MYOM1: variants seen among roughly 807,000 people sequenced by gnomAD.
The protein encoded by MYOM1 is myomesin-1.
In MYOM1, 164 loss-of-function variants were observed where a neutral mutation model predicts 205.3. That is an observed-to-expected ratio of 0.80 (90% CI 0.70 to 0.91). The LOEUF (loss-of-function observed/expected upper bound fraction) is 0.91. MYOM1 is among the 40% of genes least tolerant of loss of function. The pLI is 0.00. For synonymous variants in MYOM1, 772 were observed against 789.4 expected (o/e 0.98, Z 0.37); for missense variants, 2,011 against 2,127.3 (o/e 0.95, Z 1.08).
At chr18:3,156,608 CTT>C (rs879296741) in intron 10 of MYOM1, among the ~76,000 whole-genome samples, 30 of 140,746 alleles carry the variant, frequency 2.1e-4, no homozygotes, top group Non-Finnish European at 1.6e-4. Context: ...ACACTTCTTT[CTT>C]TTTTTTTTTT....
chr18:3,131,374 C>T lies in MYOM1; in HGVS notation c.2506+1G>A. 1 of 1,613,772 alleles carries T rather than the reference C, an allele frequency of 6.2e-7. No individual in the cohort carries two copies. Among genetic ancestry groups the T allele is most frequent in the Non-Finnish European group, 8.5e-7 (1 of 1,179,782 alleles). Reference sequence around the variant, plus strand: ...CATACAGTTATGCATAAGGAACTTACCAATAGCAGCTTTGACTTCAATAGC... The same window carrying T: ...CATACAGTTATGCATAAGGAACTTATCAATAGCAGCTTTGACTTCAATAGC... On this transcript the variant is annotated splice_donor_variant, in intron 17 of 37. Coordinates refer to ENST00000356443, the MANE Select transcript of MYOM1 (RefSeq NM_003803.4). LOFTEE classifies it high-confidence loss of function.
chr18:3,135,107 G>T lies in MYOM1; in HGVS notation c.2210-283C>A. 2.7e-6 allele frequency: 1 copy of T among 365,128 alleles called. No individual in the cohort carries two copies. Among genetic ancestry groups the T allele is most frequent in the Non-Finnish European group, 5.1e-6 (1 of 195,052 alleles). 22.6% of individuals were successfully genotyped at this position (365,128 alleles called of 1,614,324 possible). A position where few individuals can be genotyped will look rare whatever the true frequency, so the allele number is the denominator to read the frequency against. On this transcript the variant is annotated intron_variant, in intron 15 of 37. Transcript: ENST00000356443. The surrounding 1 kb of genome is among the most constrained non-coding windows in gnomAD (Gnocchi z 4.1). ...GGAATTACCAGGCATGTGCCACAACGCCTGGCTAATTTTTGTGTTTTCAGT... is the reference window on the plus strand; with the variant it reads ...GGAATTACCAGGCATGTGCCACAACTCCTGGCTAATTTTTGTGTTTTCAGT...
chr18:3,176,161 G>GT, intron 5 of MYOM1, 27 bp from the exon 6 acceptor site: 1 of 1,361,356 alleles, frequency 7.3e-7, no homozygotes, highest in Admixed American at 1.7e-5. Flanking sequence ...ACAAAATGAA[G>GT]TAAGTTGAAG....
At chr18:3,184,135 G>A in intron 5 of MYOM1, among the ~76,000 whole-genome samples, 1 of 151,920 alleles carries the variant, frequency 6.6e-6, no homozygotes, top group East Asian at 1.9e-4. Flanking sequence ...CAAACTCCTG[G>A]CCTCAAGTGA....
At chr18:3,098,429 C>G (rs1036992854) in intron 25 of MYOM1, among the ~76,000 whole-genome samples, 7 of 152,022 alleles carry the variant, frequency 4.6e-5, no homozygotes, top group African/African-American at 1.2e-4. Flanking sequence ...AGGCGCCCAC[C>G]ACCACACCCA....
At chr18:3,230,163 C>T in the MYOM1 span, among the ~76,000 whole-genome samples, 5,691 of 152,116 alleles carry the variant, frequency 0.037, 228 homozygotes, top group African/African-American at 0.1. Context: ...AAAATAGCTA[C>T]CATTATTTGA....
intron 8 of MYOM1, among the ~76,000 whole-genome samples, chr18:3,170,574 G>A (rs2080542242): frequency 6.6e-6 from 1 of 152,048 alleles, no homozygotes; most frequent in Admixed American, 6.5e-5. Context: ...ATTATTCTCA[G>A]AAATATCTTA....
chr18:3,198,708 G>A (rs888130662), intron 2 of MYOM1, among the ~76,000 whole-genome samples: 11 of 151,814 alleles, frequency 7.2e-5, no homozygotes, highest in African/African-American at 2.2e-4. Context: ...GCTTCAACCC[G>A]GAAGAGGGAG....
chr18:3,130,036 T>G (rs1348659331), intron 17 of MYOM1, among the ~76,000 whole-genome samples: 1 of 151,966 alleles, frequency 6.6e-6, no homozygotes, highest in African/African-American at 2.4e-5. Context: ...TCTTCCTTCC[T>G]TCGTTTTCTT....
At chr18:3,184,867 T>C (rs558249883) in intron 5 of MYOM1, among the ~76,000 whole-genome samples, 1 of 152,322 alleles carries the variant, frequency 6.6e-6, no homozygotes, top group Admixed American at 6.5e-5. Context: ...GAGAGGAAGC[T>C]TGTCTCTGTG....
chr18:3,119,990 G>T lies in MYOM1; in HGVS notation c.2997C>A (p.Ser999Arg). Residue 999 changes from serine (S) to arginine (R), a missense_variant, in exon 20 of 38, where the codon AGC (serine) becomes AGA (arginine). Transcript: ENST00000356443. ...KAVSEEAYKI[S>R]NLKENMVYQF... is the part of the protein sequence containing the mutation. ...GATACACCATGTTTTCCTTCAAGTT[G>T]CTAATCTGCAACATTGACAACATCA... The T allele has an allele frequency of 6.3e-7, 1 of 1,596,238 alleles. No homozygotes were observed. The highest frequency in any genetic ancestry group is 8.5e-7 in the Non-Finnish European group (1 of 1,170,826).
chr18:3,149,199 G>C lies in MYOM1; in HGVS notation c.1846C>G (p.Arg616Gly), dbSNP rs766999180. The C allele has an allele frequency of 6.2e-7, 1 of 1,611,252 alleles. No individual in the cohort carries two copies. The highest frequency in any genetic ancestry group is 1.3e-5 in the African/African-American group (1 of 74,774). The stretch of plus-strand genomic sequence containing the variant: ...TGTCCAGTCCAGGGTGCTGAGGGGC[G>C]ACCTGAATAAAGACAAATATAAGAA... ...DPAEKARLKS[R>G]PSAPWTGQII... The change falls in exon 13 of 38, where the codon CGC becomes GGC. Residue 616 changes from arginine to glycine, a missense_variant and splice_region_variant. Physicochemically the swap from Arg to Gly is moderately radical, Grantham distance 125. Transcript: ENST00000356443.
At chr18:3,123,582 A>G (rs2079730397) in intron 19 of MYOM1, among the ~76,000 whole-genome samples, 1 of 151,892 alleles carries the variant, frequency 6.6e-6, no homozygotes, top group Non-Finnish European at 1.5e-5. Context: ...GATTCAATGC[A>G]TCCTCAATCA....
intron 16 of MYOM1, among the ~76,000 whole-genome samples, chr18:3,132,118 G>GTATATATATATATATATATATATA (rs1555621173): frequency 3.5e-5 from 5 of 143,458 alleles, no homozygotes; most frequent in African/African-American, 1.0e-4. Flanking sequence ...ATATGTGTGT[G>GTATATATATATATATATATATATA]TATATATATA....
At chr18:3,165,440 T>C (rs1006768981) in intron 9 of MYOM1, among the ~76,000 whole-genome samples, 4 of 151,978 alleles carry the variant, frequency 2.6e-5, no homozygotes, top group African/African-American at 9.7e-5. Flanking sequence ...TTTAAAACTG[T>C]CTTCCTTGTT....
At chr18:3,089,425 G>C in intron 28 of MYOM1, 112 bp downstream of exon 28, 1 of 777,456 alleles carries the variant, frequency 1.3e-6, no homozygotes, top group Non-Finnish European at 2.0e-6. Context: ...TAATTTACTA[G>C]GCATTATTAA....
intron 3 of MYOM1, among the ~76,000 whole-genome samples, chr18:3,191,995 C>G (rs1337240282): frequency 6.6e-6 from 1 of 152,164 alleles, no homozygotes; most frequent in Non-Finnish European, 1.5e-5. Flanking sequence ...CGTGCCTGGC[C>G]TCACGTCTTC....
At chr18:3,193,762 T>C in intron 3 of MYOM1, 56 bp downstream of exon 3, 1 of 1,540,542 alleles carries the variant, frequency 6.5e-7, no homozygotes, top group Non-Finnish European at 8.8e-7. Context: ...GCCATTCCTA[T>C]AGCACTTACT....
chr18:3,188,461 A>AAC (rs1555628401), intron 4 of MYOM1, among the ~76,000 whole-genome samples: 1 of 150,608 alleles, frequency 6.6e-6, no homozygotes, highest in Non-Finnish European at 1.5e-5. Context: ...TACCAGAAAA[A>AAC]AAAAAACAAC....
Sources: gnomAD v4.1 joint callset for allele counts (sites outside exome capture counted in the v4.1 genomes callset) on GRCh38, gnomAD v4.1.1 for gene constraint, Gnocchi (gnomAD v3.1) non-coding constraint, MANE v1.5 for transcripts, NCBI Gene and HGNC (gene_info 2026-07-23, HGNC 2026-07-21) for gene names.